Variants in ATL3 observed in about 807,000 individuals in gnomAD.
ATL3 encodes atlastin GTPase 3.
Under a neutral mutation model 69.5 loss-of-function variants are expected in ATL3, and 49 were observed. The observed-to-expected ratio is 0.71, with a 90% CI of 0.56 to 0.89. ATL3 has a LOEUF of 0.89. Among genes scored for constraint, ATL3 ranks in the 40% least tolerant of loss-of-function variants. The pLI, the probability that ATL3 is intolerant of heterozygous loss-of-function variation, is 0.00. For synonymous variants in ATL3, 214 were observed against 224.1 expected (o/e 0.95, Z 0.40); for missense variants, 606 against 645.7 (o/e 0.94, Z 0.67).
At chr11:63,650,163 C>T (rs185831358) in intron 5 of ATL3, among the ~76,000 whole-genome samples, 20 of 152,000 alleles carry the variant, frequency 1.3e-4, no homozygotes, top group African/African-American at 4.8e-4. Flanking sequence ...TTATAATTCT[C>T]ATTCTAAATG....
chr11:63,632,200 G>C, intron 11 of ATL3: 3 of 588,122 alleles, frequency 5.1e-6, no homozygotes, highest in Non-Finnish European at 9.6e-6. Context: ...ATGACCAATG[G>C]TGGCAGAGTC....
intron 1 of ATL3, among the ~76,000 whole-genome samples, chr11:63,671,055 G>T (rs752831150): frequency 1.0e-3 from 157 of 152,270 alleles, no homozygotes; most frequent in South Asian, 2.3e-3. Flanking sequence ...GAGCCCTGAC[G>T]GCGGCCGCCC....
chr11:63,625,771 A>G lies in ATL3; in HGVS notation c.*3548T>C, dbSNP rs79429913. On this transcript the variant is annotated 3_prime_UTR_variant, in exon 13 of 13. Transcript: ENST00000398868. The stretch of plus-strand genomic sequence containing the variant: ...GGAAGGCCAAGACAGGCGGATTCCC[A>G]GAGGAGTTGAGACCAGCCTGGTCAA... The G allele has an allele frequency of 0.16, 23,739 of 152,236 alleles. 2,125 individuals are homozygous for G. The highest frequency in any genetic ancestry group is 0.23 in the African/African-American group (9,555 of 41,502). 9.4% of individuals were successfully genotyped at this position (152,236 alleles called of 1,614,324 possible). A position where few individuals can be genotyped will look rare whatever the true frequency, so the allele number is the denominator to read the frequency against.
intron 5 of ATL3, among the ~76,000 whole-genome samples, chr11:63,648,923 C>T (rs914364881): frequency 1.3e-5 from 2 of 151,944 alleles, no homozygotes; most frequent in African/African-American, 4.8e-5. Context: ...TTTGAGGTCA[C>T]TCTGACCAAC....
chr11:63,671,024 C>A (rs1409680986), intron 1 of ATL3, among the ~76,000 whole-genome samples: 1 of 152,140 alleles, frequency 6.6e-6, no homozygotes, highest in African/African-American at 2.4e-5. Flanking sequence ...GCTGGAGGAG[C>A]CCCCGGCGGC....
intron 3 of ATL3, 75 bp from the exon 4 acceptor site, chr11:63,652,650 A>C: frequency 9.3e-7 from 1 of 1,079,956 alleles, no homozygotes; most frequent in East Asian, 2.4e-5. Context: ...ATTGAAAAGT[A>C]CAGGTAATAT....
chr11:63,631,023 TCAG>T lies in ATL3; in HGVS notation c.1539+14_1539+16del, dbSNP rs148102000. The T allele has an allele frequency of 0.14, 215,052 of 1,588,122 alleles. 15,623 individuals carry two copies. The highest frequency in any genetic ancestry group is 0.16 in the Middle Eastern group (889 of 5,456). ...TGCCCATTATCAACCCTCAGGCTCT[TCAG>T]CAGCACCACTTACCTGCTCCAACAC... On this transcript the variant is annotated intron_variant, in intron 12 of 12. Transcript: ENST00000398868.
At chr11:63,669,179 C>T (rs1029085646) in intron 1 of ATL3, among the ~76,000 whole-genome samples, 1 of 152,010 alleles carries the variant, frequency 6.6e-6, no homozygotes, top group African/African-American at 2.4e-5. Context: ...GAAAGCCTGT[C>T]TTCTAATCTG....
At position 63,631,491 on chromosome 11, in the gene ATL3, AAT is replaced by A. The variant is rs1482738180; in HGVS notation, c.1108-22_1108-21del. ...ACAAACCTAAAAAGAACAAAGAAAC[AAT>A]ATGTTAAAAGATCTCTTCAAAAACA... is the stretch of plus-strand genomic sequence containing the variant. On this transcript the variant is annotated intron_variant, in intron 11 of 12. Coordinates refer to ENST00000398868, the MANE Select transcript of ATL3 (RefSeq NM_015459.5). 8 of 1,562,856 alleles carry A rather than the reference AAT, an allele frequency of 5.1e-6. No homozygotes were observed. The highest frequency in any genetic ancestry group is 6.9e-6 in the Non-Finnish European group (8 of 1,157,340).
intron 6 of ATL3, among the ~76,000 whole-genome samples, chr11:63,644,887 CA>C (rs1056132892): frequency 2.0e-5 from 3 of 152,042 alleles, no homozygotes; most frequent in African/African-American, 7.2e-5. Flanking sequence ...CAGTAAAGGA[CA>C]AAAGAGAAAA....
chr11:63,659,019 T>A lies in ATL3; in HGVS notation c.261+19A>T. ...TTAAAGTCTCACTTTTTACTTGAAATAAAATAATTCTATCTTACCTGAGAA... is the reference window on the plus strand; with the variant it reads ...TTAAAGTCTCACTTTTTACTTGAAAAAAAATAATTCTATCTTACCTGAGAA... On this transcript the variant is annotated intron_variant, in intron 2 of 12. Coordinates refer to ENST00000398868, the MANE Select transcript of ATL3 (RefSeq NM_015459.5). 6.2e-7 allele frequency: 1 copy of A among 1,611,652 alleles called. No individual in the cohort carries two copies. Among genetic ancestry groups the A allele is most frequent in the Non-Finnish European group, 8.5e-7 (1 of 1,177,974 alleles).
intron 3 of ATL3, among the ~76,000 whole-genome samples, chr11:63,657,664 TTTTA>T (rs1189521277): frequency 6.6e-6 from 1 of 152,260 alleles, no homozygotes; most frequent in Non-Finnish European, 1.5e-5. Context: ...TATTCATGCA[TTTTA>T]TTTAAGAATC....
chr11:63,632,516 C>G (rs958211887), intron 11 of ATL3: 9 of 857,326 alleles, frequency 1.0e-5, no homozygotes, highest in Admixed American at 1.7e-5. Context: ...ACTAGTCCAT[C>G]AGATTTCTTT....
At chr11:63,654,894 T>TAA (rs531751594) in intron 3 of ATL3, among the ~76,000 whole-genome samples, 4 of 133,602 alleles carry the variant, frequency 3.0e-5, no homozygotes, top group Non-Finnish European at 3.2e-5. Context: ...CAAGACTGTC[T>TAA]AAAAAAAAAA....
chr11:63,652,885 A>C (rs990184504), intron 3 of ATL3, among the ~76,000 whole-genome samples: 5 of 152,190 alleles, frequency 3.3e-5, no homozygotes, highest in Non-Finnish European at 7.3e-5. Flanking sequence ...CTGTTGTTGA[A>C]AAAGAAACTA....
chr11:63,656,364 A>G (rs953434043), intron 3 of ATL3, among the ~76,000 whole-genome samples: 1 of 152,164 alleles, frequency 6.6e-6, no homozygotes, highest in African/African-American at 2.4e-5. Context: ...ATTTAAAGAA[A>G]AAAGCAACCA....
chr11:63,662,725 C>T (rs1016518888), intron 1 of ATL3, among the ~76,000 whole-genome samples: 2 of 152,174 alleles, frequency 1.3e-5, no homozygotes, highest in Admixed American at 1.3e-4. Context: ...ATGATCCACT[C>T]GTCTCAACCT....
Position 63,658,860 on chromosome 11 carries a change from C to T in ATL3, c.306G>A (p.Pro102=), listed in dbSNP as rs371916555. The T allele has an allele frequency of 3.3e-5, 53 of 1,611,660 alleles. No homozygotes were observed. The highest frequency in any genetic ancestry group is 1.7e-4 in the African/African-American group (13 of 74,872). ...HSNWLGDPEE[P]LTGFSWRGGS... ...CCCCTCTCCAGGAAAATCCTGTTAA[C>T]GGTTCTTCTGGGTCACCCAACCAAT... Residue 102 remains proline (P), a synonymous_variant, in exon 3 of 13, where the codon CCG becomes CCA. Transcript: ENST00000398868.
At chr11:63,644,294 A>G (rs967622570) in intron 6 of ATL3, 33 bp from the exon 7 acceptor site, 2 of 1,320,656 alleles carry the variant, frequency 1.5e-6, no homozygotes, top group South Asian at 2.4e-5. Flanking sequence ...ATATTTTAAC[A>G]TGCATAAACA....
Sources: allele counts gnomAD v4.1 joint callset (sites outside exome capture counted in the v4.1 genomes callset), GRCh38; gene constraint gnomAD v4.1.1; transcripts MANE v1.5; gene names NCBI Gene and HGNC (gene_info 2026-07-23, HGNC 2026-07-21).